GKAP1: variants seen among roughly 807,000 people sequenced by gnomAD.
GKAP1 encodes G kinase anchoring protein 1.
A neutral mutation model predicts 56.7 loss-of-function variants in GKAP1; 31 were observed. The observed-to-expected ratio is 0.55, with a 90% CI of 0.41 to 0.74. GKAP1 has a LOEUF of 0.74. Among genes scored for constraint, GKAP1 ranks in the 30% least tolerant of loss-of-function variants. The pLI is 0.00. For synonymous variants in GKAP1, 151 were observed against 138.6 expected (o/e 1.09, Z -0.63); for missense variants, 364 against 402.3 (o/e 0.90, Z 0.82).
intron 2 of GKAP1, among the ~76,000 whole-genome samples, chr9:83,815,971 A>G (rs1482856816): frequency 6.8e-6 from 1 of 148,046 alleles, no homozygotes; most frequent in Non-Finnish European, 1.5e-5. Flanking sequence ...GCAGATCACG[A>G]GGTCAGGAGT....
rs1345158060 is a variant in GKAP1, at chr9:83,788,806, A to G, written c.361-128T>C. 5.7e-6 allele frequency: 3 copies of G among 522,486 alleles called. No individual in the cohort carries two copies. The African/African-American group carries it at 5.8e-5, about 10-fold the overall frequency. 32.4% of individuals were successfully genotyped at this position (522,486 alleles called of 1,614,324 possible). ...TTAAAAAACAATATGGATTCTCCAAAGTTATCTAACCATGCCAAACTAGGA... is the reference window on the plus strand; with the variant it reads ...TTAAAAAACAATATGGATTCTCCAAGGTTATCTAACCATGCCAAACTAGGA... On this transcript the variant is annotated intron_variant, in intron 4 of 12. Transcript: ENST00000376371.
chr9:83,767,232 C>T (rs1169868236), intron 8 of GKAP1, among the ~76,000 whole-genome samples: 1 of 152,138 alleles, frequency 6.6e-6, no homozygotes, highest in East Asian at 1.9e-4. Context: ...GGAGAGAAAG[C>T]ATCTTTTTCT....
intron 5 of GKAP1, among the ~76,000 whole-genome samples, chr9:83,785,894 C>T (rs1433308207): frequency 2.0e-5 from 3 of 152,168 alleles, no homozygotes; most frequent in African/African-American, 7.2e-5. Context: ...TATGTCCTAT[C>T]CTTCTGGCTG....
intron 5 of GKAP1, 64 bp from the exon 6 acceptor site, chr9:83,784,902 G>T: frequency 1.7e-6 from 2 of 1,187,328 alleles, no homozygotes; most frequent in Non-Finnish European, 1.1e-6. Context: ...CTCACCAACA[G>T]GTAATATGTT....
At chr9:83,803,843 G>A (rs909505630) in intron 3 of GKAP1, among the ~76,000 whole-genome samples, 8 of 151,468 alleles carry the variant, frequency 5.3e-5, no homozygotes, top group African/African-American at 1.9e-4. Context: ...CATCTGGGAA[G>A]TGAGGAGCGT....
At chr9:83,813,091 G>A (rs1944534798) in intron 2 of GKAP1, among the ~76,000 whole-genome samples, 1 of 152,076 alleles carries the variant, frequency 6.6e-6, no homozygotes. Flanking sequence ...TCAGTCTTGT[G>A]TCCTAAACTT....
intron 9 of GKAP1, among the ~76,000 whole-genome samples, chr9:83,752,616 T>A (rs1943409715): frequency 6.6e-6 from 1 of 152,052 alleles, no homozygotes; most frequent in Non-Finnish European, 1.5e-5. Flanking sequence ...ATGAAAAAGT[T>A]CTGGAAATAG....
intron 8 of GKAP1, among the ~76,000 whole-genome samples, chr9:83,764,825 G>A (rs564709731): frequency 1.3e-5 from 2 of 152,178 alleles, no homozygotes; most frequent in Non-Finnish European, 2.9e-5. Flanking sequence ...GTGACTTAGC[G>A]TATCTGGTGA....
chr9:83,804,346 TGGG>T (rs1423296628), intron 3 of GKAP1, among the ~76,000 whole-genome samples: 2 of 82,392 alleles, frequency 2.4e-5, no homozygotes, highest in South Asian at 4.8e-4. Context: ...GGGAGGGAGG[TGGG>T]GGGGTCAGCC....
intron 9 of GKAP1, among the ~76,000 whole-genome samples, chr9:83,750,193 T>C (rs538824736): frequency 6.6e-6 from 1 of 152,332 alleles, no homozygotes; most frequent in African/African-American, 2.4e-5. Context: ...ATTATTTGCA[T>C]TGCTTAAAAA....
chr9:83,803,661 T>G (rs909451724), intron 3 of GKAP1, among the ~76,000 whole-genome samples: 1 of 152,136 alleles, frequency 6.6e-6, no homozygotes, highest in African/African-American at 2.4e-5. Context: ...TTGCAGCCTC[T>G]GCCCGGCCGC....
At chr9:83,763,150 G>A (rs1943603188) in intron 8 of GKAP1, among the ~76,000 whole-genome samples, 1 of 152,174 alleles carries the variant, frequency 6.6e-6, no homozygotes, top group Non-Finnish European at 1.5e-5. Context: ...GGTGGAACTG[G>A]AGGTCATATG....
chr9:83,757,704 T>C (rs1330952228), intron 8 of GKAP1, among the ~76,000 whole-genome samples: 1 of 151,998 alleles, frequency 6.6e-6, no homozygotes, highest in Non-Finnish European at 1.5e-5. Context: ...AGCAGAAAGA[T>C]TGGTTAGATT....
At chr9:83,771,704 ACT>A (rs1943765377) in intron 7 of GKAP1, among the ~76,000 whole-genome samples, 2 of 152,166 alleles carry the variant, frequency 1.3e-5, no homozygotes, top group African/African-American at 4.8e-5. Flanking sequence ...TACAGGCATA[ACT>A]CTAAAATTAC....
intron 4 of GKAP1, among the ~76,000 whole-genome samples, chr9:83,798,384 CTATTT>C (rs1308090975): frequency 1.3e-5 from 2 of 152,150 alleles, no homozygotes; most frequent in Non-Finnish European, 2.9e-5. Flanking sequence ...AATGAGTTAT[CTATTT>C]TATTTGGTTG....
intron 9 of GKAP1, among the ~76,000 whole-genome samples, chr9:83,752,401 G>T (rs983843123): frequency 6.6e-6 from 1 of 151,984 alleles, no homozygotes; most frequent in South Asian, 2.1e-4. Flanking sequence ...GGGCAGCAGA[G>T]CGAGACTCTG....
intron 10 of GKAP1, among the ~76,000 whole-genome samples, chr9:83,748,025 A>G (rs1943323464): frequency 1.3e-5 from 2 of 152,042 alleles, no homozygotes; most frequent in Admixed American, 1.3e-4. Context: ...AATCATATAT[A>G]TTTATGAGGT....
At chr9:83,787,726 T>C (rs1944088896) in intron 5 of GKAP1, among the ~76,000 whole-genome samples, 1 of 152,176 alleles carries the variant, frequency 6.6e-6, no homozygotes, top group African/African-American at 2.4e-5. Flanking sequence ...ACAATTTAAA[T>C]ACGGAAACTG....
chr9:83,763,896 A>C (rs562116106), intron 8 of GKAP1, among the ~76,000 whole-genome samples: 1 of 152,306 alleles, frequency 6.6e-6, no homozygotes, highest in African/African-American at 2.4e-5. Flanking sequence ...CACTATGTCA[A>C]ACTATCACTT....
Sources: gnomAD v4.1 joint callset for allele counts (sites outside exome capture counted in the v4.1 genomes callset) on GRCh38, gnomAD v4.1.1 for gene constraint, MANE v1.5 for transcripts, NCBI Gene and HGNC (gene_info 2026-07-23, HGNC 2026-07-21) for gene names.